Variants in STK39 observed in about 807,000 individuals in gnomAD.
STK39 encodes serine/threonine kinase 39.
STK39 carries 20 observed loss-of-function variants against 77.8 expected under a neutral mutation model. The ratio of observed to expected loss-of-function variants is 0.26; its 90% confidence interval spans 0.18 to 0.37. STK39 has a LOEUF of 0.37. STK39 is among the 10% of genes least tolerant of loss of function. The probability of loss-of-function intolerance (pLI) is 1.00; values close to 1 mark genes in which losing one functional copy is unlikely to be tolerated. For synonymous variants in STK39, 246 were observed against 234.1 expected, an observed-to-expected ratio of 1.05 and a Z score of -0.47; for missense variants, 479 against 656.5, an observed-to-expected ratio of 0.73 and a Z score of 2.95.
chr2:168,060,411 C>T (rs1003815542), intron 14 of STK39, among the ~76,000 whole-genome samples: 3 of 152,204 alleles, frequency 2.0e-5, no homozygotes, highest in African/African-American at 7.2e-5. Flanking sequence ...CTCTCACTCC[C>T]TCTCCACCAT....
intron 16 of STK39, among the ~76,000 whole-genome samples, chr2:168,006,326 G>A (rs963962281): frequency 1.3e-5 from 2 of 152,164 alleles, no homozygotes; most frequent in African/African-American, 4.8e-5. Flanking sequence ...TTCTTCTATA[G>A]CTGAGGTTCT....
intron 10 of STK39, among the ~76,000 whole-genome samples, chr2:168,114,020 G>A (rs990931266): frequency 3.3e-5 from 5 of 152,146 alleles, no homozygotes; most frequent in Non-Finnish European, 5.9e-5. Flanking sequence ...ACACTCAATA[G>A]GCTAACTTTC....
intron 1 of STK39, among the ~76,000 whole-genome samples, chr2:168,230,528 T>C (rs1026439574): frequency 5.3e-5 from 8 of 152,104 alleles, no homozygotes; most frequent in Non-Finnish European, 1.0e-4. Flanking sequence ...ACTGAAGAAA[T>C]GCCCAGCCCA....
chr2:168,243,567 C>A lies in STK39; in HGVS notation c.208+3661G>T, dbSNP rs569361972. 6.6e-5 allele frequency among the ~76,000 whole-genome samples: 10 copies of A among 152,274 alleles called. No individual in the cohort carries two copies. In the South Asian group the frequency reaches 1.9e-3, roughly 28 times the overall value. On this transcript the variant is annotated intron_variant, in intron 1 of 17. Transcript: ENST00000355999. ...ACTACATAAAGAAAGGTGCATCCTG[C>A]AAAAACCCTAAGAAAATCAAACAAA... is the stretch of plus-strand genomic sequence containing the variant.
chr2:168,107,897 C>G (rs1687020468), intron 10 of STK39, among the ~76,000 whole-genome samples: 1 of 152,192 alleles, frequency 6.6e-6, no homozygotes, highest in South Asian at 2.1e-4. Context: ...ATACGGACAC[C>G]TGCTTTCGCA....
chr2:168,129,628 C>T, intron 9 of STK39, 22 bp from the exon 10 acceptor site: 1 of 1,614,008 alleles, frequency 6.2e-7, no homozygotes, highest in Non-Finnish European at 8.5e-7. Flanking sequence ...ATATTCCCAA[C>T]AGTTTAACAT....
chr2:168,227,788 G>A (rs545446058), intron 1 of STK39, among the ~76,000 whole-genome samples: 1 of 152,102 alleles, frequency 6.6e-6, no homozygotes. Context: ...CTCCCGAGTA[G>A]CTGAGACTAC....
chr2:168,028,074 G>A (rs1391601793), intron 14 of STK39, among the ~76,000 whole-genome samples: 3 of 152,158 alleles, frequency 2.0e-5, no homozygotes, highest in African/African-American at 7.2e-5. Context: ...CCTGCCAGGT[G>A]AAGGGCATGG....
At chr2:168,095,690 G>A (rs974084282) in intron 10 of STK39, among the ~76,000 whole-genome samples, 3 of 144,678 alleles carry the variant, frequency 2.1e-5, no homozygotes, top group East Asian at 2.0e-4. Flanking sequence ...GCAGTGGCGC[G>A]ATCTCAGCTC....
At position 167,956,432 on chromosome 2, in the gene STK39, C is replaced by T. The variant is rs544978063; in HGVS notation, c.1564-862G>A. Among the ~76,000 whole-genome samples the T allele has an allele frequency of 3.3e-5, 5 of 152,174 alleles. No homozygotes were observed. The South Asian group carries it at 1.0e-3, about 32-fold the overall frequency. On this transcript the variant is annotated intron_variant, in intron 17 of 17. Coordinates refer to ENST00000355999, the MANE Select transcript of STK39 (RefSeq NM_013233.3). ...ATTAGCCAGGTTTGGTGGCACACAC[C>T]TGTAGTGCCAGCTACTTGGGAGGCT...
In STK39 at chr2:167,956,527, G is replaced by A. The variant is rs150428950; in HGVS notation, c.1564-957C>T. On this transcript the variant is annotated intron_variant, in intron 17 of 17. Transcript: ENST00000355999. The stretch of plus-strand genomic sequence containing the variant: ...TGCAGTGAGCCGAGATCGTGCCACT[G>A]CACTCCAGCCTGGCGACAGAGCGAG... 7.6e-3 allele frequency among the ~76,000 whole-genome samples: 1,135 copies of A among 148,808 alleles called. 13 individuals are homozygous for A. The highest frequency in any genetic ancestry group is 0.027 in the African/African-American group (1,071 of 39,832).
At chr2:168,103,260 T>C (rs1686883053) in intron 10 of STK39, among the ~76,000 whole-genome samples, 1 of 152,224 alleles carries the variant, frequency 6.6e-6, no homozygotes, top group South Asian at 2.1e-4. Context: ...TATGTTCCTT[T>C]ACCTTCCTTT....
At chr2:168,119,311 T>C (rs1403750868) in intron 10 of STK39, among the ~76,000 whole-genome samples, 1 of 152,180 alleles carries the variant, frequency 6.6e-6, no homozygotes, top group Non-Finnish European at 1.5e-5. Flanking sequence ...CTACCCGTAT[T>C]TACCAAGCTC....
intron 10 of STK39, among the ~76,000 whole-genome samples, chr2:168,116,436 C>G (rs993992819): frequency 1.3e-5 from 2 of 152,120 alleles, no homozygotes; most frequent in African/African-American, 4.8e-5. Context: ...AAAGTGCAAC[C>G]TTAATCGAGT....
At chr2:168,182,753 T>C (rs1399374378) in intron 1 of STK39, among the ~76,000 whole-genome samples, 3 of 152,264 alleles carry the variant, frequency 2.0e-5, no homozygotes, top group Non-Finnish European at 2.9e-5. Context: ...GAGCAAAATG[T>C]AGACATGTAA....
chr2:168,153,640 G>T lies in STK39; in HGVS notation c.628+8147C>A, dbSNP rs551910987. Among the ~76,000 whole-genome samples, 35 of 47,764 alleles carry T rather than the reference G, an allele frequency of 7.3e-4. No individual in the cohort carries two copies. The South Asian group carries it at 0.023, about 32-fold the overall frequency. The allele number at this position is 47,764 out of a possible 152,430, so 31.3% of individuals were successfully genotyped here. A position where few individuals can be genotyped will look rare whatever the true frequency, so the allele number is the denominator to read the frequency against. ...GGGCAGGGAATACAAAATATGGGGT[G>T]GGGGGGGGTTACAATATGAGGCCTG... is the stretch of plus-strand genomic sequence containing the variant. On this transcript the variant is annotated intron_variant, in intron 5 of 17. Transcript: ENST00000355999.
rs572410256 is a variant in STK39 at position 168,050,623 on chromosome 2, A to G, written c.1376+12877T>C. On this transcript the variant is annotated intron_variant, in intron 14 of 17. Coordinates refer to ENST00000355999, the MANE Select transcript of STK39 (RefSeq NM_013233.3). The stretch of plus-strand genomic sequence containing the variant: ...GCTTTGCAGATGGCAGAAGGAGCCG[A>G]GGGATGCAGGCTACCTCTACAAGCT... Among the ~76,000 whole-genome samples, 10 of 152,266 alleles carry G rather than the reference A, an allele frequency of 6.6e-5. No homozygotes were observed. The South Asian group carries it at 2.1e-3, about 32-fold the overall frequency.
chr2:168,217,763 C>T (rs1169375231), intron 1 of STK39, among the ~76,000 whole-genome samples: 1 of 152,136 alleles, frequency 6.6e-6, no homozygotes, highest in Admixed American at 6.5e-5. Flanking sequence ...TGTACATGTT[C>T]AGTACAGATG....
intron 1 of STK39, among the ~76,000 whole-genome samples, chr2:168,208,299 T>C (rs563144919): frequency 2.0e-5 from 3 of 152,320 alleles, no homozygotes; most frequent in African/African-American, 7.2e-5. Context: ...TATTGGACTA[T>C]ATAACCCTAA....
Sources: allele counts gnomAD v4.1 joint callset (sites outside exome capture counted in the v4.1 genomes callset), GRCh38; gene constraint gnomAD v4.1.1; transcripts MANE v1.5; gene names NCBI Gene and HGNC (gene_info 2026-07-23, HGNC 2026-07-21).